The following LYPD6 variants were observed in gnomAD, a reference collection of about 807,000 sequenced individuals.
The protein encoded by LYPD6 is LY6/PLAUR domain containing 6.
In LYPD6, 15 loss-of-function variants were observed where a neutral mutation model predicts 22.7. The ratio of observed to expected loss-of-function variants is 0.66; its 90% CI spans 0.44 to 1.02. LYPD6 has a LOEUF of 1.02. LYPD6 is among the 50% of genes least tolerant of loss of function. The pLI, the probability that LYPD6 is intolerant of heterozygous loss-of-function variation, is 0.00. For missense variants in LYPD6, 189 were observed against 208.4 expected (o/e 0.91, Z 0.57); for synonymous variants, 72 against 77.5 (o/e 0.93, Z 0.37).
At chr2:149,482,939 C>T in the LYPD6 span, among the ~76,000 whole-genome samples, 2 of 152,302 alleles carry the variant, frequency 1.3e-5, no homozygotes, top group East Asian at 3.9e-4. Flanking sequence ...CTAAAAGCTG[C>T]TGATCCCAAG....
At chr2:149,389,728 C>T (rs891310003) in intron 1 of LYPD6, among the ~76,000 whole-genome samples, 3 of 152,068 alleles carry the variant, frequency 2.0e-5, no homozygotes, top group Admixed American at 6.5e-5. Context: ...TTGATCTCTC[C>T]CTGAGCCAGG....
chr2:149,412,664 T>A (rs1307828896), intron 1 of LYPD6, among the ~76,000 whole-genome samples: 1 of 152,176 alleles, frequency 6.6e-6, no homozygotes, highest in African/African-American at 2.4e-5. Context: ...GCTGTCTATA[T>A]CCAATTGACT....
intron 1 of LYPD6, among the ~76,000 whole-genome samples, chr2:149,351,532 T>C (rs1320630583): frequency 6.6e-6 from 1 of 152,098 alleles, no homozygotes; most frequent in African/African-American, 2.4e-5. Flanking sequence ...AAGTGAGAAT[T>C]CTGTGAAGAA....
chr2:149,345,221 A>G (rs2105052881), intron 1 of LYPD6, among the ~76,000 whole-genome samples: 1 of 152,266 alleles, frequency 6.6e-6, no homozygotes, highest in Middle Eastern at 3.4e-3. Flanking sequence ...GAATATCTAC[A>G]GGTAACCTAC....
At chr2:149,470,545 C>T (rs138139223) in intron 4 of LYPD6, 138 bp from the exon 5 acceptor site, 26 of 677,464 alleles carry the variant, frequency 3.8e-5, no homozygotes, top group African/African-American at 2.7e-4. Context: ...CCTTCCTGAA[C>T]GTAGAGTTGG....
intron 1 of LYPD6, among the ~76,000 whole-genome samples, chr2:149,334,328 A>T (rs1488963001): frequency 6.6e-6 from 1 of 152,218 alleles, no homozygotes; most frequent in African/African-American, 2.4e-5. Flanking sequence ...AGGATTGTGG[A>T]ACTACTCATC....
intron 1 of LYPD6, among the ~76,000 whole-genome samples, chr2:149,376,482 G>A (rs886378872): frequency 6.6e-6 from 1 of 152,000 alleles, no homozygotes; most frequent in Admixed American, 6.6e-5. Flanking sequence ...TAGAGGAGGG[G>A]ATAAAGAACA....
At chr2:149,470,404 A>G (rs1463310499) in intron 4 of LYPD6, among the ~76,000 whole-genome samples, 1 of 152,196 alleles carries the variant, frequency 6.6e-6, no homozygotes, top group Non-Finnish European at 1.5e-5. Context: ...ACTGAGGCCC[A>G]GGAAGGCTAT....
At position 149,449,142 on chromosome 2, in the gene LYPD6, C is replaced by T; in HGVS notation, c.212C>T (p.Pro71Leu). 1.9e-6 allele frequency: 3 copies of T among 1,610,302 alleles called. No individual in the cohort carries two copies. Among genetic ancestry groups the T allele is most frequent in the Non-Finnish European group, 2.5e-6 (3 of 1,177,634 alleles). The stretch of plus-strand genomic sequence containing the variant: ...CGATGGGCTCCAGACATCTACTGCC[C>T]TCGAGGTAAACTCTCAGTAGACTGA... ...CNRWAPDIYC[P>L]RETRYCYTQH... Residue 71 changes from proline to leucine, a missense_variant, in exon 3 of 5, where the codon CCT (proline) becomes CTT (leucine). Physicochemically the swap from Pro to Leu is moderately conservative, Grantham distance 98. Transcript: ENST00000334166.
intron 1 of LYPD6, among the ~76,000 whole-genome samples, chr2:149,362,272 A>G (rs989323925): frequency 3.3e-5 from 5 of 152,106 alleles, no homozygotes; most frequent in Non-Finnish European, 7.4e-5. Context: ...TGAGGCCTCT[A>G]TGACAAAAAA....
chr2:149,338,518 G>A (rs965492968), intron 1 of LYPD6, among the ~76,000 whole-genome samples: 30 of 152,124 alleles, frequency 2.0e-4, no homozygotes, highest in African/African-American at 7.0e-4. Context: ...AGTGGGATTA[G>A]TGCCTTTATA....
intron 1 of LYPD6, among the ~76,000 whole-genome samples, chr2:149,378,564 T>A (rs749169831): frequency 6.6e-6 from 1 of 152,242 alleles, no homozygotes; most frequent in African/African-American, 2.4e-5. Context: ...ATCTGTAAGG[T>A]GCTATGTGGT....
chr2:149,453,954 C>G (rs1221228742), intron 3 of LYPD6, among the ~76,000 whole-genome samples: 1 of 152,130 alleles, frequency 6.6e-6, no homozygotes, highest in Non-Finnish European at 1.5e-5. Flanking sequence ...ATTGTTCTTT[C>G]CCTAGGATAG....
In LYPD6 at chr2:149,448,787, C is replaced by T. The variant is rs79479161; in HGVS notation, c.119-262C>T. Among the ~76,000 whole-genome samples, 750 of 152,270 alleles carry T rather than the reference C, an allele frequency of 4.9e-3. 6 individuals carry two copies. Among genetic ancestry groups the T allele is most frequent in the African/African-American group, 0.017 (703 of 41,536 alleles). Reference sequence around the variant, plus strand: ...TAACCATTCACCCACTGAAGGACATCGAGGATATTTCCAGTTTTTGGGCTA... The same window carrying T: ...TAACCATTCACCCACTGAAGGACATTGAGGATATTTCCAGTTTTTGGGCTA... On this transcript the variant is annotated intron_variant, in intron 2 of 4. Coordinates refer to ENST00000334166, the MANE Select transcript of LYPD6 (RefSeq NM_194317.5).
At chr2:149,477,542 G>C (rs1471671052), downstream of LYPD6, among the ~76,000 whole-genome samples, 2 of 139,892 alleles carry the variant, frequency 1.4e-5, no homozygotes, top group Non-Finnish European at 3.0e-5. Flanking sequence ...AGAATCGCTT[G>C]AATCTGGGAG....
intron 1 of LYPD6, among the ~76,000 whole-genome samples, chr2:149,428,754 T>G (rs1683240154): frequency 6.6e-6 from 1 of 152,230 alleles, no homozygotes; most frequent in South Asian, 2.1e-4. Flanking sequence ...TAGAGCAGAA[T>G]GCATTGCGAA....
In LYPD6 at chr2:149,330,623, G is replaced by C. The variant is rs4667439; in HGVS notation, c.-171G>C. On this transcript the variant is annotated 5_prime_UTR_variant, in exon 1 of 5. Transcript: ENST00000334166. The stretch of plus-strand genomic sequence containing the variant: ...CCTGAGCTCCCGGGCTCCGGCAGCG[G>C]GCTGGCGGGGCGCCGCATTGCACAC... 1 allele frequency: 151,580 copies of C among 151,818 alleles called. 75,672 individuals carry two copies. Among genetic ancestry groups the C allele is most frequent in the Middle Eastern group, 1 (294 of 294 alleles). The allele number at this position is 151,818 out of a possible 1,614,324, so 9.4% of individuals were successfully genotyped here.
At chr2:149,430,685 A>G (rs1683293869) in intron 1 of LYPD6, among the ~76,000 whole-genome samples, 1 of 152,150 alleles carries the variant, frequency 6.6e-6, no homozygotes, top group Non-Finnish European at 1.5e-5. Flanking sequence ...TTAGATTTGT[A>G]TTTGTTTGCC....
chr2:149,347,941 C>T (rs966691275), intron 1 of LYPD6, among the ~76,000 whole-genome samples: 8 of 151,434 alleles, frequency 5.3e-5, no homozygotes, highest in Admixed American at 1.3e-4. Context: ...TGGAGCTGGG[C>T]GTGGTGGCTC....
Sources: allele counts gnomAD v4.1 joint callset (sites outside exome capture counted in the v4.1 genomes callset), GRCh38; gene constraint gnomAD v4.1.1; transcripts MANE v1.5; gene names NCBI Gene and HGNC (gene_info 2026-07-23, HGNC 2026-07-21).